HAVCR1: variants seen among roughly 807,000 people sequenced by gnomAD.
HAVCR1 encodes the protein T cell immunoglobin domain and mucin domain protein 1.
Under a neutral mutation model 32.0 loss-of-function variants are expected in HAVCR1, and 34 were observed. That is an observed-to-expected ratio of 1.06 (90% CI 0.81 to 1.42). HAVCR1 has a LOEUF of 1.42. Among genes scored for constraint, HAVCR1 ranks in the 40% most tolerant of loss-of-function variants. The probability of loss-of-function intolerance (pLI) is 0.00; values close to 1 mark genes in which losing one functional copy is unlikely to be tolerated. For missense variants in HAVCR1, 420 were observed against 442.3 expected, an observed-to-expected ratio of 0.95 and a Z score of 0.45; for synonymous variants, 178 against 170.3, an observed-to-expected ratio of 1.05 and a Z score of -0.35.
chr5:157,053,637 A>T (rs11134525), intron 3 of HAVCR1, among the ~76,000 whole-genome samples: 90,348 of 151,962 alleles, frequency 0.59, 27,804 homozygotes, highest in East Asian at 0.81. Flanking sequence ...TGGGAGGCCG[A>T]GGCGGGTAGA....
intron 7 of HAVCR1, among the ~76,000 whole-genome samples, chr5:157,035,983 T>C (rs1385971259): frequency 6.6e-6 from 1 of 152,144 alleles, no homozygotes; most frequent in Non-Finnish European, 1.5e-5. Flanking sequence ...GACTTGAGCA[T>C]CTGCAGATTT....
chr5:157,060,536 T>G (rs1447387078), upstream of HAVCR1, among the ~76,000 whole-genome samples: 1 of 152,204 alleles, frequency 6.6e-6, no homozygotes, highest in Non-Finnish European at 1.5e-5. Context: ...CTCTCACTAT[T>G]ATTATCTTGT....
chr5:157,065,592 C>T, the HAVCR1 span, among the ~76,000 whole-genome samples: 1 of 152,050 alleles, frequency 6.6e-6, no homozygotes. Context: ...TGGCGACTCA[C>T]ACCTGCAGTC....
At chr5:157,041,877 G>A (rs1479922228) in intron 6 of HAVCR1, among the ~76,000 whole-genome samples, 4 of 152,104 alleles carry the variant, frequency 2.6e-5, no homozygotes, top group African/African-American at 9.7e-5. Flanking sequence ...TGGCCAACAT[G>A]GTGAAACCCC....
chr5:157,035,219 A>T (rs973546831), intron 7 of HAVCR1, among the ~76,000 whole-genome samples: 1 of 152,082 alleles, frequency 6.6e-6, no homozygotes, highest in African/African-American at 2.4e-5. Context: ...TTTCAGAGGG[A>T]AAGTTTGAAC....
intron 2 of HAVCR1, among the ~76,000 whole-genome samples, chr5:157,056,718 T>G (rs1756178211): frequency 6.6e-6 from 1 of 152,132 alleles, no homozygotes; most frequent in Non-Finnish European, 1.5e-5. Context: ...AATACTAGTA[T>G]CATTTTTTTG....
rs199758684 is a variant in HAVCR1 at position 157,037,281 on chromosome 5, C to G, written c.918G>C (p.Val306=). ...IYAGVCISVL[V]LLALLGVIIA... ...TGATGACACCCAAAAGAGCAAGAAG[C>G]ACCAAGACAGAAATACAGACTCCAG... The change falls in exon 7 of 9, where the codon GTG becomes GTC. Residue 306 remains valine, a synonymous_variant. Transcript: ENST00000523175. The G allele has an allele frequency of 6.4e-4, 1,033 of 1,603,314 alleles. 2 individuals carry two copies. The highest frequency in any genetic ancestry group is 8.1e-4 in the Non-Finnish European group (952 of 1,170,292).
chr5:157,060,467 A>G (rs1419572703), upstream of HAVCR1, among the ~76,000 whole-genome samples: 1 of 152,110 alleles, frequency 6.6e-6, no homozygotes, highest in African/African-American at 2.4e-5. Context: ...TCCCGGCTTA[A>G]ATATGACCTC....
chr5:157,065,680 C>A, the HAVCR1 span, among the ~76,000 whole-genome samples: 2 of 152,034 alleles, frequency 1.3e-5, no homozygotes, highest in Non-Finnish European at 2.9e-5. Flanking sequence ...CATGGTGAAA[C>A]CCCGTCTCTA....
At chr5:157,031,008 G>GT (rs67848014) in intron 8 of HAVCR1, among the ~76,000 whole-genome samples, 103,243 of 144,942 alleles carry the variant, frequency 0.71, 39,175 homozygotes, top group East Asian at 0.91. Context: ...GTTAGTGTGG[G>GT]TTTTTTTTTT....
chr5:157,068,733 C>A, the HAVCR1 span, among the ~76,000 whole-genome samples: 1 of 151,840 alleles, frequency 6.6e-6, no homozygotes, highest in Admixed American at 6.6e-5. Context: ...CTGCCTCAGC[C>A]TCCCCAGTAA....
intron 5 of HAVCR1, among the ~76,000 whole-genome samples, chr5:157,043,520 T>C (rs1340664831): frequency 5.3e-5 from 8 of 151,980 alleles, no homozygotes; most frequent in Admixed American, 5.2e-4. Context: ...ATACAAAAAA[T>C]TAGCTGGGCA....
intron 7 of HAVCR1, among the ~76,000 whole-genome samples, chr5:157,035,426 G>A (rs1009320213): frequency 2.0e-5 from 3 of 152,106 alleles, no homozygotes; most frequent in African/African-American, 7.2e-5. Context: ...TTCTTTTATG[G>A]GAGGCAGGTT....
At chr5:157,058,075 C>A in intron 1 of HAVCR1, 120 bp from the exon 2 acceptor site, 1 of 715,842 alleles carries the variant, frequency 1.4e-6, no homozygotes, top group Non-Finnish European at 2.5e-6. Flanking sequence ...TATGAGCCTG[C>A]TCTGCTGGAA....
upstream of HAVCR1, among the ~76,000 whole-genome samples, chr5:157,059,490 C>T (rs2113657869): frequency 1.3e-5 from 2 of 152,114 alleles, no homozygotes; most frequent in African/African-American, 4.8e-5. Context: ...GCCTGGCTAA[C>T]ACGGTGAAAC....
intron 6 of HAVCR1, among the ~76,000 whole-genome samples, chr5:157,037,913 C>T (rs928557995): frequency 5.3e-5 from 8 of 151,462 alleles, no homozygotes; most frequent in Admixed American, 2.6e-4. Context: ...ACTTGGGAGG[C>T]GGAGGCAAAA....
In HAVCR1 at chr5:157,041,699, A is replaced by G. The variant is rs1298880295; in HGVS notation, c.837+928T>C. Among the ~76,000 whole-genome samples the G allele has an allele frequency of 2.6e-5, 4 of 152,200 alleles. No homozygotes were observed. In the South Asian group the frequency reaches 6.2e-4, roughly 24 times the overall value. On this transcript the variant is annotated intron_variant, in intron 6 of 8. Coordinates refer to ENST00000523175, the MANE Select transcript of HAVCR1 (RefSeq NM_001173393.3). Reference sequence around the variant, plus strand: ...AGCCTCTACTCCACCCCATCAAAGCATGCTGTTTCCCTATTGATAATTGAA... The same window carrying G: ...AGCCTCTACTCCACCCCATCAAAGCGTGCTGTTTCCCTATTGATAATTGAA...
chr5:157,053,382 T>TTAAA (rs1554092186), intron 3 of HAVCR1, among the ~76,000 whole-genome samples: 1 of 116,816 alleles, frequency 8.6e-6, no homozygotes, highest in Non-Finnish European at 1.7e-5. Flanking sequence ...GACCCTGTCT[T>TTAAA]AAAAAAAAAA....
chr5:157,061,670 G>A (rs2113662390), upstream of HAVCR1, among the ~76,000 whole-genome samples: 1 of 150,700 alleles, frequency 6.6e-6, no homozygotes, highest in South Asian at 2.1e-4. Context: ...TCATGCCACT[G>A]CACTCTGGCC....
Sources: allele counts gnomAD v4.1 joint callset (sites outside exome capture counted in the v4.1 genomes callset), GRCh38; gene constraint gnomAD v4.1.1; transcripts MANE v1.5; gene names NCBI Gene and HGNC (gene_info 2026-07-23, HGNC 2026-07-21).